MAP2K4: variants seen among roughly 807,000 people sequenced by gnomAD.
MAP2K4 encodes the protein mitogen-activated protein kinase kinase 4, also known as dual specificity mitogen-activated protein kinase kinase 4.
In MAP2K4, 4 loss-of-function variants were observed where a neutral mutation model predicts 48.5. The observed-to-expected ratio is 0.08, with a 90% CI of 0.04 to 0.19. The LOEUF is 0.19. MAP2K4 is among the 10% of genes least tolerant of loss of function. The pLI, the probability that MAP2K4 is intolerant of heterozygous loss-of-function variation, is 1.00. For missense variants in MAP2K4, 258 were observed against 493.3 expected (o/e 0.52, Z 4.52); for synonymous variants, 166 against 173.1 (o/e 0.96, Z 0.32).
At chr17:12,087,372 T>C (rs748370167) in intron 3 of MAP2K4, among the ~76,000 whole-genome samples, 4 of 152,148 alleles carry the variant, frequency 2.6e-5, no homozygotes, top group African/African-American at 4.8e-5. Context: ...AGTGCTAAGA[T>C]TGACATTGTT....
Position 12,143,300 on chromosome 17 carries a change from C to G in MAP2K4, c.*2040C>G, listed in dbSNP as rs573591463. On this transcript the variant is annotated 3_prime_UTR_variant, in exon 11 of 11. Coordinates refer to ENST00000353533, the MANE Select transcript of MAP2K4 (RefSeq NM_003010.4). ...CTGACTGTCCAGGAGCTAATCTGACCGTTCTATTGTGTGGATGACCACATA... is the reference window on the plus strand; with the variant it reads ...CTGACTGTCCAGGAGCTAATCTGACGGTTCTATTGTGTGGATGACCACATA... The G allele has an allele frequency of 4.3e-6, 1 of 232,616 alleles. No individual in the cohort carries two copies. Among genetic ancestry groups the G allele is most frequent in the Admixed American group, 5.6e-5 (1 of 17,762 alleles). The allele number at this position is 232,616 out of a possible 1,614,324, so 14.4% of individuals were successfully genotyped here.
intron 1 of MAP2K4, among the ~76,000 whole-genome samples, chr17:12,051,121 TCTGGGCCAGCTG>T (rs1426785377): frequency 6.6e-6 from 1 of 152,218 alleles, no homozygotes; most frequent in African/African-American, 2.4e-5. Flanking sequence ...TAGGCCAGCC[TCTGGGCCAGCTG>T]CAATTCTAAT....
intron 2 of MAP2K4, among the ~76,000 whole-genome samples, chr17:12,064,001 A>T (rs1970533591): frequency 2.4e-5 from 2 of 84,390 alleles, no homozygotes; most frequent in East Asian, 7.7e-4. Context: ...GAAAGCAGGG[A>T]GGAGGAGAGG....
At chr17:12,024,098 T>C (rs1007834356) in intron 1 of MAP2K4, among the ~76,000 whole-genome samples, 11 of 152,228 alleles carry the variant, frequency 7.2e-5, no homozygotes, top group African/African-American at 2.2e-4. Flanking sequence ...CTTTTCATTA[T>C]TGAGCAGTCC....
chr17:12,054,474 T>C (rs1970230400), intron 1 of MAP2K4, among the ~76,000 whole-genome samples: 2 of 152,158 alleles, frequency 1.3e-5, no homozygotes, highest in African/African-American at 2.4e-5. Context: ...CTCTGTTGTT[T>C]ATATTCATTA....
intron 9 of MAP2K4, among the ~76,000 whole-genome samples, chr17:12,134,734 A>G (rs1455312503): frequency 6.6e-6 from 1 of 152,216 alleles, no homozygotes; most frequent in Non-Finnish European, 1.5e-5. Context: ...ACAAGTTTTC[A>G]ATTAAAACAC....
intron 9 of MAP2K4, 32 bp from the exon 10 acceptor site, chr17:12,139,807 A>C (rs1233549176): frequency 4.8e-6 from 7 of 1,463,872 alleles, no homozygotes; most frequent in Non-Finnish European, 6.6e-6. Context: ...ATGAATCTAC[A>C]TTTTAATAAT....
At chr17:12,125,934 G>A (rs952461456) in intron 8 of MAP2K4, among the ~76,000 whole-genome samples, 6 of 152,098 alleles carry the variant, frequency 3.9e-5, no homozygotes, top group African/African-American at 1.4e-4. Context: ...CATGAGACTG[G>A]GTAATTTATG....
chr17:12,135,086 G>T (rs1014827070), intron 9 of MAP2K4, among the ~76,000 whole-genome samples: 5 of 151,772 alleles, frequency 3.3e-5, no homozygotes, highest in Non-Finnish European at 7.4e-5. Context: ...TTTTTTTGTT[G>T]TTTTTTGCTT....
intron 2 of MAP2K4, among the ~76,000 whole-genome samples, chr17:12,060,945 T>C (rs142399649): frequency 9.8e-4 from 149 of 152,300 alleles, no homozygotes; most frequent in Non-Finnish European, 1.9e-3. Context: ...AGATCGAACT[T>C]CTGTACCCGT....
At chr17:12,110,321 T>C in intron 5 of MAP2K4, 54 bp from the exon 6 acceptor site, 2 of 1,198,410 alleles carry the variant, frequency 1.7e-6, no homozygotes, top group Non-Finnish European at 2.5e-6. Context: ...ACTGTTGTGC[T>C]GTTTGAATAA....
intron 2 of MAP2K4, among the ~76,000 whole-genome samples, chr17:12,070,646 T>C (rs1482245366): frequency 6.6e-6 from 1 of 152,240 alleles, no homozygotes; most frequent in Non-Finnish European, 1.5e-5. Context: ...TTTGGTATCA[T>C]TTATATCATG....
Position 12,029,087 on chromosome 17 carries a change from C to T in MAP2K4, c.115+8086C>T, listed in dbSNP as rs115746789. Among the ~76,000 whole-genome samples the T allele has an allele frequency of 6.9e-3, 1,046 of 152,168 alleles. 17 individuals are homozygous for T. The highest frequency in any genetic ancestry group is 0.024 in the African/African-American group (981 of 41,506). On this transcript the variant is annotated intron_variant, in intron 1 of 10. Coordinates refer to ENST00000353533, the MANE Select transcript of MAP2K4 (RefSeq NM_003010.4). Reference sequence around the variant, plus strand: ...TAAACACTTACACATCCTAAACAGCCGCTTACCTCACTGTATTTGGTAAGA... The same window carrying T: ...TAAACACTTACACATCCTAAACAGCTGCTTACCTCACTGTATTTGGTAAGA...
chr17:12,130,346 C>T (rs1284570344), intron 9 of MAP2K4, among the ~76,000 whole-genome samples: 2 of 152,176 alleles, frequency 1.3e-5, no homozygotes, highest in Non-Finnish European at 2.9e-5. Flanking sequence ...AAATTGGCTG[C>T]TTCCTCCTTT....
In MAP2K4 at chr17:12,021,009, A is replaced by T; in HGVS notation, c.115+8A>T. On this transcript the variant is annotated splice_region_variant and intron_variant, in intron 1 of 10. Coordinates refer to ENST00000353533, the MANE Select transcript of MAP2K4 (RefSeq NM_003010.4). Reference sequence around the variant, plus strand: ...CCGTCAGCAGCATGCAGGGTAAGGAACGCGGCCGCGCCGAGATCCCAGCCC... The same window carrying T: ...CCGTCAGCAGCATGCAGGGTAAGGATCGCGGCCGCGCCGAGATCCCAGCCC... 8.3e-7 allele frequency: 1 copy of T among 1,205,188 alleles called. No individual in the cohort carries two copies. The highest frequency in any genetic ancestry group is 1.0e-6 in the Non-Finnish European group (1 of 969,566). The allele number at this position is 1,205,188 out of a possible 1,614,324, so 74.7% of individuals were successfully genotyped here.
chr17:12,116,262 GAA>G lies in MAP2K4; in HGVS notation c.813+2903_813+2904del, dbSNP rs528237085. Among the ~76,000 whole-genome samples the G allele has an allele frequency of 2.5e-3, 385 of 152,234 alleles. 1 individual carries two copies. The highest frequency in any genetic ancestry group is 4.3e-3 in the Non-Finnish European group (292 of 68,006). On this transcript the variant is annotated intron_variant, in intron 7 of 10. Transcript: ENST00000353533. ...AAAAAAATATGGTATAAAAAATAAAGAATGGTTCACTGGTATAAGGCACTAAT... is the reference window on the plus strand; with the variant it reads ...AAAAAAATATGGTATAAAAAATAAAGTGGTTCACTGGTATAAGGCACTAAT...
intron 2 of MAP2K4, among the ~76,000 whole-genome samples, chr17:12,076,634 T>C (rs539054414): frequency 5.3e-5 from 8 of 152,184 alleles, no homozygotes; most frequent in Non-Finnish European, 1.2e-4. Flanking sequence ...TATTAAGTAT[T>C]CTATCTATAA....
intron 4 of MAP2K4, among the ~76,000 whole-genome samples, chr17:12,099,896 C>T (rs1016662370): frequency 1.3e-5 from 2 of 152,172 alleles, no homozygotes; most frequent in African/African-American, 2.4e-5. Flanking sequence ...GCAATAAATT[C>T]TAGTGCAGAA....
intron 2 of MAP2K4, among the ~76,000 whole-genome samples, chr17:12,058,227 C>CTTT (rs144800120): frequency 1.5e-5 from 2 of 130,062 alleles, no homozygotes; most frequent in South Asian, 2.5e-4. Context: ...CTAGACCTTT[C>CTTT]TTTTTTTTTT....
Sources: allele counts gnomAD v4.1 joint callset (sites outside exome capture counted in the v4.1 genomes callset), GRCh38; gene constraint gnomAD v4.1.1; transcripts MANE v1.5; gene names NCBI Gene and HGNC (gene_info 2026-07-23, HGNC 2026-07-21).